Variants in CHCHD3 observed in about 807,000 individuals in gnomAD.
CHCHD3 encodes coiled-coil-helix-coiled-coil-helix domain containing 3.
A neutral mutation model predicts 38.2 loss-of-function variants in CHCHD3; 20 were observed. The observed-to-expected ratio is 0.52, with a 90% confidence interval of 0.37 to 0.76. The LOEUF (loss-of-function observed/expected upper bound fraction) is 0.76, where lower values mean the gene tolerates loss of function less well. Among genes scored for constraint, CHCHD3 ranks in the 30% least tolerant of loss-of-function variants. The probability of loss-of-function intolerance (pLI) is 0.00; values close to 1 mark genes in which losing one functional copy is unlikely to be tolerated. For missense variants in CHCHD3, 245 were observed against 279.2 expected, an observed-to-expected ratio of 0.88 and a Z score of 0.87; for synonymous variants, 82 against 100.0, an observed-to-expected ratio of 0.82 and a Z score of 1.07.
At chr7:132,884,688 C>A (rs925697752) in intron 5 of CHCHD3, among the ~76,000 whole-genome samples, 11 of 152,164 alleles carry the variant, frequency 7.2e-5, no homozygotes, top group African/African-American at 2.7e-4. Context: ...GCTTACTCTG[C>A]AACCTCATGG....
chr7:133,048,382 C>T (rs917346296), intron 2 of CHCHD3, among the ~76,000 whole-genome samples: 13 of 152,068 alleles, frequency 8.5e-5, no homozygotes, highest in African/African-American at 2.4e-4. Context: ...CTATACAAAA[C>T]TGAGTGCAGT....
chr7:132,832,037 T>C (rs1807663815), intron 6 of CHCHD3, among the ~76,000 whole-genome samples: 1 of 151,700 alleles, frequency 6.6e-6, no homozygotes, highest in African/African-American at 2.4e-5. Flanking sequence ...AACTAAACAA[T>C]ATTGCCAGTG....
intron 4 of CHCHD3, among the ~76,000 whole-genome samples, chr7:132,921,659 A>C (rs1275256040): frequency 6.7e-6 from 1 of 149,272 alleles, no homozygotes; most frequent in Non-Finnish European, 1.5e-5. Flanking sequence ...AACAACAACA[A>C]AACACAAAAA....
intron 6 of CHCHD3, among the ~76,000 whole-genome samples, chr7:132,814,170 T>C (rs964861098): frequency 3.3e-5 from 5 of 152,226 alleles, no homozygotes; most frequent in Non-Finnish European, 7.3e-5. Context: ...GTTAAACCAG[T>C]ATTCAAACAG....
intron 2 of CHCHD3, among the ~76,000 whole-genome samples, chr7:133,056,649 G>A (rs10248015): frequency 0.01 from 1,563 of 152,282 alleles, 31 homozygotes; most frequent in African/African-American, 0.036. Context: ...AGGGTAGACA[G>A]AAAGTAGTTC....
At chr7:132,999,128 A>AGAGAGAG (rs1812499166) in intron 3 of CHCHD3, among the ~76,000 whole-genome samples, 1 of 152,206 alleles carries the variant, frequency 6.6e-6, no homozygotes, top group Non-Finnish European at 1.5e-5. Flanking sequence ...CAAAACAAAC[A>AGAGAGAG]ACACTATTCA....
intron 3 of CHCHD3, among the ~76,000 whole-genome samples, chr7:132,978,919 G>T (rs1416905937): frequency 6.6e-6 from 1 of 152,018 alleles, no homozygotes; most frequent in Non-Finnish European, 1.5e-5. Context: ...TGTTTTTAAA[G>T]GAATGTTTAT....
In CHCHD3 at chr7:133,021,944, G is replaced by A. The variant is rs1322752896; in HGVS notation, c.251+2602C>T. Among the ~76,000 whole-genome samples, 8 of 152,052 alleles carry A rather than the reference G, an allele frequency of 5.3e-5. No individual in the cohort carries two copies. The South Asian group carries it at 8.3e-4, about 16-fold the overall frequency. On this transcript the variant is annotated intron_variant, in intron 3 of 7. Transcript: ENST00000262570. ...TACTAAAAATACAAAAAAATCAGCC[G>A]GGTGTGGTGGCGGGCGCCTGTAATC...
At chr7:133,076,041 A>T (rs1814980363) in intron 1 of CHCHD3, among the ~76,000 whole-genome samples, 1 of 140,674 alleles carries the variant, frequency 7.1e-6, no homozygotes, top group East Asian at 2.2e-4. Context: ...CATGGGCAAG[A>T]GAATGAGATT....
At chr7:132,855,214 C>G (rs747312736) in intron 5 of CHCHD3, among the ~76,000 whole-genome samples, 1 of 152,160 alleles carries the variant, frequency 6.6e-6, no homozygotes, top group African/African-American at 2.4e-5. Flanking sequence ...GTAGATGGTA[C>G]CCTACAGAGT....
At chr7:132,888,804 A>AG (rs1166471104) in intron 4 of CHCHD3, among the ~76,000 whole-genome samples, 1 of 152,106 alleles carries the variant, frequency 6.6e-6, no homozygotes, top group African/African-American at 2.4e-5. Context: ...ATATTAAGTG[A>AG]GAAAAAAAAC....
rs866825544 is a variant in CHCHD3 at position 133,081,786 on chromosome 7, G to A, written c.81+71C>T. 1.0e-5 allele frequency: 15 copies of A among 1,460,468 alleles called. No individual in the cohort carries two copies. In the Middle Eastern group the frequency reaches 1.0e-3, roughly 100 times the overall value. 90.5% of individuals were successfully genotyped at this position (1,460,468 alleles called of 1,614,324 possible). The stretch of plus-strand genomic sequence containing the variant: ...AGGACGGGAGAAACCCAGGCTGAGC[G>A]GGTCCGGAGAAGATGGGGCCTTGGG... On this transcript the variant is annotated intron_variant, in intron 1 of 7. Transcript: ENST00000262570.
At chr7:132,954,519 T>G (rs1811111928) in intron 4 of CHCHD3, among the ~76,000 whole-genome samples, 1 of 151,882 alleles carries the variant, frequency 6.6e-6, no homozygotes, top group South Asian at 2.1e-4. Context: ...AGAGACAAAT[T>G]TTGGAGCAGT....
chr7:133,034,305 A>C (rs1295250430), intron 2 of CHCHD3, among the ~76,000 whole-genome samples: 3 of 152,154 alleles, frequency 2.0e-5, no homozygotes, highest in Non-Finnish European at 4.4e-5. Flanking sequence ...CCTTTTTGAA[A>C]TTAAGGAAGT....
intron 5 of CHCHD3, among the ~76,000 whole-genome samples, chr7:132,839,795 G>C (rs764941825): frequency 6.6e-6 from 1 of 152,180 alleles, no homozygotes; most frequent in South Asian, 2.1e-4. Flanking sequence ...AGGGTGGCTA[G>C]AGCCATAGAC....
intron 4 of CHCHD3, among the ~76,000 whole-genome samples, chr7:132,947,367 T>C (rs1337237844): frequency 2.0e-5 from 3 of 151,866 alleles, no homozygotes; most frequent in Admixed American, 2.0e-4. Flanking sequence ...TTCACTAACA[T>C]CTTCACTTTA....
intron 4 of CHCHD3, among the ~76,000 whole-genome samples, chr7:132,944,421 T>C (rs1008909855): frequency 4.0e-5 from 4 of 100,250 alleles, no homozygotes; most frequent in Non-Finnish European, 8.8e-5. Flanking sequence ...TAAAAAAGGA[T>C]AAAGAAAAAA....
Position 132,905,621 on chromosome 7 carries a change from G to GA in CHCHD3, c.370-19877dup, listed in dbSNP as rs958758667. On this transcript the variant is annotated intron_variant, in intron 4 of 7. Transcript: ENST00000262570. ...GAGGGGAAAAAAATGCCTAATTAAAGAAAAAAAAAACTTACCTGTAAATAA... is the reference window on the plus strand; with the variant it reads ...GAGGGGAAAAAAATGCCTAATTAAAGAAAAAAAAAAACTTACCTGTAAATAA... Among the ~76,000 whole-genome samples the GA allele has an allele frequency of 2.2e-4, 33 of 147,278 alleles. No individual in the cohort carries two copies. The South Asian group carries it at 2.8e-3, about 13-fold the overall frequency.
At chr7:132,965,703 AT>A (rs1419920452) in intron 4 of CHCHD3, among the ~76,000 whole-genome samples, 2 of 152,218 alleles carry the variant, frequency 1.3e-5, no homozygotes, top group Non-Finnish European at 2.9e-5. Flanking sequence ...ATGAAGTTTA[AT>A]TTCTAAGCAG....
Sources: allele counts gnomAD v4.1 joint callset (sites outside exome capture counted in the v4.1 genomes callset), GRCh38; gene constraint gnomAD v4.1.1; transcripts MANE v1.5; gene names NCBI Gene and HGNC (gene_info 2026-07-23, HGNC 2026-07-21).